The following GAS7 variants were observed in gnomAD, a reference collection of about 807,000 sequenced individuals.
GAS7 encodes growth arrest specific 7, also known as growth arrest-specific protein 7.
In GAS7, 28 loss-of-function variants were observed where a neutral mutation model predicts 71.1. That is an observed-to-expected ratio of 0.39 (90% confidence interval 0.29 to 0.54). The LOEUF (loss-of-function observed/expected upper bound fraction) is 0.54. Ranked by LOEUF, GAS7 falls within the 20% of genes least tolerant of loss-of-function variation. GAS7 has a pLI of 0.62. For synonymous variants in GAS7, 258 were observed against 245.8 expected, an observed-to-expected ratio of 1.05 and a Z score of -0.46; for missense variants, 436 against 627.8, an observed-to-expected ratio of 0.69 and a Z score of 3.27.
At chr17:9,945,296 C>T (rs1433523762) in intron 6 of GAS7, among the ~76,000 whole-genome samples, 1 of 151,918 alleles carries the variant, frequency 6.6e-6, no homozygotes, top group African/African-American at 2.4e-5. Context: ...CCCACCTGCA[C>T]AATGCCTATG....
intron 2 of GAS7, among the ~76,000 whole-genome samples, chr17:10,011,043 C>T (rs1375915435): frequency 6.6e-6 from 1 of 152,242 alleles, no homozygotes. Context: ...TAGAAGTTTC[C>T]TCCTAGGATG....
intron 1 of GAS7, among the ~76,000 whole-genome samples, chr17:10,021,853 T>C (rs1267145403): frequency 2.6e-5 from 4 of 152,282 alleles, no homozygotes. Flanking sequence ...TGCGTGTGCA[T>C]GCGCGCGTGC....
At chr17:10,130,199 A>C (rs1035738599) in intron 1 of GAS7, among the ~76,000 whole-genome samples, 2 of 151,808 alleles carry the variant, frequency 1.3e-5, no homozygotes, top group South Asian at 4.2e-4. Context: ...ACAAAAAACA[A>C]CAACAAAAAA....
chr17:9,929,909 A>G (rs1483351311), intron 9 of GAS7, among the ~76,000 whole-genome samples: 1 of 152,110 alleles, frequency 6.6e-6, no homozygotes, highest in African/African-American at 2.4e-5. Flanking sequence ...AAGTGTCCTC[A>G]CAGACTCAGG....
chr17:9,979,847 G>A (rs1323785024), intron 3 of GAS7, among the ~76,000 whole-genome samples: 2 of 148,238 alleles, frequency 1.3e-5, no homozygotes, highest in Non-Finnish European at 3.0e-5. Flanking sequence ...ATTCGCACTG[G>A]CATTTTGATT....
At chr17:10,129,734 G>C (rs545323519) in intron 1 of GAS7, among the ~76,000 whole-genome samples, 2 of 152,112 alleles carry the variant, frequency 1.3e-5, no homozygotes, top group South Asian at 4.1e-4. Context: ...CCACAGAATG[G>C]GAGAAAAATT....
At chr17:10,041,161 A>T (rs78663882) in intron 1 of GAS7, among the ~76,000 whole-genome samples, 2 of 149,188 alleles carry the variant, frequency 1.3e-5, no homozygotes, top group South Asian at 4.2e-4. Context: ...GACTGCCTAA[A>T]AAAAAAAAAA....
chr17:10,135,158 T>G (rs925309521), intron 1 of GAS7, among the ~76,000 whole-genome samples: 1 of 152,078 alleles, frequency 6.6e-6, no homozygotes, highest in African/African-American at 2.4e-5. Flanking sequence ...TACATGTAGA[T>G]TAAAGGGCAG....
At chr17:9,943,526 C>T (rs1270588890) in intron 6 of GAS7, among the ~76,000 whole-genome samples, 3 of 152,194 alleles carry the variant, frequency 2.0e-5, no homozygotes, top group African/African-American at 7.2e-5. Context: ...CCAAGAGCAC[C>T]GGCTGTGATG....
Position 9,969,749 on chromosome 17 carries a change from G to A in GAS7, c.399C>T (p.His133=), listed in dbSNP as rs750475073. Residue 133 remains histidine, a synonymous_variant, in exon 4 of 14, where the codon CAC becomes CAT. Transcript: ENST00000432992. This position sits in a 1 kb window ranked among gnomAD's most constrained non-coding sequence, Gnocchi z 5.5. ...SSLPPTVNGY[H]ASGTPAHPPE... is the part of the protein sequence containing the mutation. ...GAGGGTGCGCTGGGGTCCCTGATGC[G>A]TGGTATCCATTCACTGCAGGGACAG... The A allele has an allele frequency of 7.8e-5, 126 of 1,608,244 alleles. No homozygotes were observed. The highest frequency in any genetic ancestry group is 1.3e-4 in the East Asian group (6 of 44,864).
chr17:10,101,052 T>C (rs2073693849), intron 1 of GAS7, among the ~76,000 whole-genome samples: 2 of 152,182 alleles, frequency 1.3e-5, no homozygotes, highest in Non-Finnish European at 2.9e-5. Flanking sequence ...GAGGATCACT[T>C]GAGCCCAGGA....
chr17:10,017,244 C>T (rs913838492), intron 2 of GAS7, among the ~76,000 whole-genome samples: 4 of 152,008 alleles, frequency 2.6e-5, no homozygotes, highest in African/African-American at 7.2e-5. Context: ...CAGGGACCAG[C>T]AGCTATGGTC....
chr17:10,134,512 C>A (rs1485548852), intron 1 of GAS7, among the ~76,000 whole-genome samples: 1 of 152,126 alleles, frequency 6.6e-6, no homozygotes, highest in Non-Finnish European at 1.5e-5. Flanking sequence ...TCCTGTTTTC[C>A]GTAATAGCTG....
At chr17:9,966,237 A>C (rs112418250) in intron 4 of GAS7, among the ~76,000 whole-genome samples, 7,730 of 151,786 alleles carry the variant, frequency 0.051, 631 homozygotes, top group African/African-American at 0.17. Context: ...TGACCTCCTG[A>C]TCTGCCTGCC....
chr17:9,936,762 T>C (rs535952248), intron 8 of GAS7, among the ~76,000 whole-genome samples: 1 of 152,326 alleles, frequency 6.6e-6, no homozygotes, highest in South Asian at 2.1e-4. Flanking sequence ...CAGTTTCAGG[T>C]ACGCCAAATC....
At chr17:9,936,311 A>G (rs963927735) in intron 8 of GAS7, among the ~76,000 whole-genome samples, 9 of 152,196 alleles carry the variant, frequency 5.9e-5, no homozygotes, top group Non-Finnish European at 1.3e-4. Flanking sequence ...CACAGAGCCA[A>G]AAAGGCCCCA....
chr17:10,171,494 GC>G (rs1309526676), intron 1 of GAS7, among the ~76,000 whole-genome samples: 1 of 152,208 alleles, frequency 6.6e-6, no homozygotes, highest in Non-Finnish European at 1.5e-5. Flanking sequence ...AATCTACAGT[GC>G]TTGAGTAATA....
chr17:9,980,434 AT>A (rs949233433), intron 3 of GAS7, among the ~76,000 whole-genome samples: 27 of 152,198 alleles, frequency 1.8e-4, no homozygotes, highest in African/African-American at 6.5e-4. Context: ...CAGGTAAACT[AT>A]TTAGACCAGG....
At chr17:9,942,125 A>G (rs1253658954) in intron 7 of GAS7, among the ~76,000 whole-genome samples, 2 of 152,032 alleles carry the variant, frequency 1.3e-5, no homozygotes, top group African/African-American at 4.8e-5. Context: ...GTGGTGGTAC[A>G]TGCCTGTAAT....
Sources: allele counts gnomAD v4.1 joint callset (sites outside exome capture counted in the v4.1 genomes callset), GRCh38; gene constraint gnomAD v4.1.1; non-coding constraint Gnocchi (gnomAD v3.1); transcripts MANE v1.5; gene names NCBI Gene and HGNC (gene_info 2026-07-23, HGNC 2026-07-21).